Variants in HUNK observed in about 807,000 individuals in gnomAD.
The protein encoded by HUNK is hormonally up-regulated neu tumor-associated kinase.
A neutral mutation model predicts 61.0 loss-of-function variants in HUNK; 21 were observed. The observed-to-expected ratio is 0.34, with a 90% confidence interval of 0.24 to 0.50. The LOEUF is 0.50. HUNK is among the 20% of genes least tolerant of loss of function. The pLI, the probability that HUNK is intolerant of heterozygous loss-of-function variation, is 0.98. For missense variants in HUNK, 772 were observed against 945.7 expected, an observed-to-expected ratio of 0.82 and a Z score of 2.41; for synonymous variants, 371 against 386.1, an observed-to-expected ratio of 0.96 and a Z score of 0.46.
chr21:31,904,529 CAT>C (rs532018196), intron 1 of HUNK, among the ~76,000 whole-genome samples: 36 of 152,280 alleles, frequency 2.4e-4, no homozygotes, highest in Non-Finnish European at 3.1e-4. Flanking sequence ...GCTGGGAAAA[CAT>C]GTGACAGAGA....
rs1242017790 is a variant in HUNK, at chr21:31,894,979, G to A, written c.261+21044G>A. Among the ~76,000 whole-genome samples the A allele has an allele frequency of 2.6e-5, 4 of 152,176 alleles. No homozygotes were observed. The East Asian group carries it at 5.8e-4, about 22-fold the overall frequency. ...ATGTTATTACAGTGGAAAAGGCCATGTTTCTTCCAACAGTGACTGATTAAG... is the reference window on the plus strand; with the variant it reads ...ATGTTATTACAGTGGAAAAGGCCATATTTCTTCCAACAGTGACTGATTAAG... On this transcript the variant is annotated intron_variant, in intron 1 of 10. Coordinates refer to ENST00000270112, the MANE Select transcript of HUNK (RefSeq NM_014586.2).
At chr21:31,957,916 T>C (rs2052900347) in intron 4 of HUNK, among the ~76,000 whole-genome samples, 1 of 152,200 alleles carries the variant, frequency 6.6e-6, no homozygotes. Context: ...CAGGTTTTGT[T>C]ATGAGGCTTC....
chr21:31,892,320 C>CT (rs2052396578), intron 1 of HUNK, among the ~76,000 whole-genome samples: 1 of 150,896 alleles, frequency 6.6e-6, no homozygotes. Context: ...AATCCCAGCA[C>CT]TTTGGGAGGC....
chr21:31,881,202 G>C (rs1428672287), intron 1 of HUNK, among the ~76,000 whole-genome samples: 1 of 152,204 alleles, frequency 6.6e-6, no homozygotes, highest in Non-Finnish European at 1.5e-5. Context: ...TCAGAGTCCA[G>C]GGCTTTTCAT....
At chr21:31,908,422 G>A (rs1055564878) in intron 1 of HUNK, among the ~76,000 whole-genome samples, 1 of 152,118 alleles carries the variant, frequency 6.6e-6, no homozygotes, top group Non-Finnish European at 1.5e-5. Context: ...AGGCTGGCCA[G>A]GGCAGGGTGG....
At chr21:31,876,291 G>A (rs1414556295) in intron 1 of HUNK, among the ~76,000 whole-genome samples, 2 of 152,198 alleles carry the variant, frequency 1.3e-5, no homozygotes, top group African/African-American at 2.4e-5. Context: ...CTCCTCCCCA[G>A]CGGGGAGAAT....
intron 1 of HUNK, among the ~76,000 whole-genome samples, chr21:31,877,459 G>C (rs1054137450): frequency 2.0e-5 from 3 of 152,162 alleles, no homozygotes; most frequent in Admixed American, 6.5e-5. Flanking sequence ...GAAGTTGTTT[G>C]TTTAGAAGCC....
intron 1 of HUNK, among the ~76,000 whole-genome samples, chr21:31,875,082 G>C (rs954580616): frequency 1.3e-5 from 2 of 152,178 alleles, no homozygotes; most frequent in Non-Finnish European, 2.9e-5. Context: ...TGTGTGGTCC[G>C]TGGGTCAGGG....
chr21:31,883,521 AGTC>A (rs2052324653), intron 1 of HUNK, among the ~76,000 whole-genome samples: 2 of 152,108 alleles, frequency 1.3e-5, no homozygotes. Context: ...TAAGGAAATT[AGTC>A]GTCTTTGAGT....
rs1269668751 is a variant in HUNK at position 32,002,816 on chromosome 21, G to A, written c.*3632G>A. ...TTCCCCTGGGAAGTGAGGGGACGAA[G>A]CCTTAGAGGGTGACATAGCTAGAAA... is the stretch of plus-strand genomic sequence containing the variant. On this transcript the variant is annotated 3_prime_UTR_variant, in exon 11 of 11. Coordinates refer to ENST00000270112, the MANE Select transcript of HUNK (RefSeq NM_014586.2). 6.6e-6 allele frequency: 1 copy of A among 152,228 alleles called. No homozygotes were observed. The highest frequency in any genetic ancestry group is 1.9e-4 in the East Asian group (1 of 5,206). 9.4% of individuals were successfully genotyped at this position (152,228 alleles called of 1,614,324 possible).
intron 1 of HUNK, among the ~76,000 whole-genome samples, chr21:31,892,085 T>C (rs2052391084): frequency 6.6e-6 from 1 of 150,446 alleles, no homozygotes; most frequent in Non-Finnish European, 1.5e-5. Flanking sequence ...AACTCTAAAC[T>C]TCAGCTTCTG....
chr21:31,926,317 A>G (rs1053335350), intron 2 of HUNK, among the ~76,000 whole-genome samples: 5 of 152,242 alleles, frequency 3.3e-5, no homozygotes, highest in Non-Finnish European at 7.3e-5. Flanking sequence ...ACGTGTGCAC[A>G]TGTATGTTTA....
intron 2 of HUNK, among the ~76,000 whole-genome samples, chr21:31,932,342 G>A (rs1023994330): frequency 3.3e-5 from 5 of 151,992 alleles, no homozygotes; most frequent in Non-Finnish European, 4.4e-5. Context: ...CTCCTCCCTC[G>A]CACCCTCTGT....
chr21:31,926,760 GGCTAGTAATACT>G (rs2052662998), intron 2 of HUNK, among the ~76,000 whole-genome samples: 1 of 151,986 alleles, frequency 6.6e-6, no homozygotes, highest in African/African-American at 2.4e-5. Flanking sequence ...CCCACACTTT[GGCTAGTAATACT>G]GCTATGAGCG....
At chr21:31,948,453 C>T (rs1163928845) in intron 4 of HUNK, among the ~76,000 whole-genome samples, 2 of 152,196 alleles carry the variant, frequency 1.3e-5, no homozygotes, top group Non-Finnish European at 2.9e-5. Flanking sequence ...ATGTACCCTC[C>T]AGTGCCTGGC....
At chr21:31,935,330 T>TAC (rs1168249078) in intron 2 of HUNK, among the ~76,000 whole-genome samples, 2 of 152,244 alleles carry the variant, frequency 1.3e-5, no homozygotes, top group East Asian at 3.8e-4. Context: ...ACCTTCCCCC[T>TAC]ACTCACATTT....
At chr21:31,895,071 A>G (rs2052416016) in intron 1 of HUNK, among the ~76,000 whole-genome samples, 1 of 152,228 alleles carries the variant, frequency 6.6e-6, no homozygotes, top group Non-Finnish European at 1.5e-5. Flanking sequence ...TTTCTTTGGC[A>G]AAGTCTGCTT....
intron 6 of HUNK, among the ~76,000 whole-genome samples, chr21:31,971,129 A>G (rs1478208998): frequency 4.0e-5 from 6 of 151,846 alleles, no homozygotes; most frequent in Admixed American, 2.0e-4. Flanking sequence ...CCCAGGCTGG[A>G]GTGCAGTGGT....
chr21:31,973,132 T>TTTTA (rs146914027), intron 6 of HUNK, among the ~76,000 whole-genome samples: 8,666 of 152,042 alleles, frequency 0.057, 661 homozygotes, highest in African/African-American at 0.17. Flanking sequence ...GTATCACTCT[T>TTTTA]TTTATTTATT....
Sources: gnomAD v4.1 joint callset for allele counts (sites outside exome capture counted in the v4.1 genomes callset) on GRCh38, gnomAD v4.1.1 for gene constraint, MANE v1.5 for transcripts, NCBI Gene and HGNC (gene_info 2026-07-23, HGNC 2026-07-21) for gene names.